The following NCAM2 variants were observed in gnomAD, a reference collection of about 807,000 sequenced individuals.
The protein encoded by NCAM2 is N-CAM-2.
A neutral mutation model predicts 98.1 loss-of-function variants in NCAM2; 30 were observed. That is an observed-to-expected ratio of 0.31 (90% CI 0.23 to 0.41). The LOEUF (loss-of-function observed/expected upper bound fraction) is 0.41. Among genes scored for constraint, NCAM2 ranks in the 10% least tolerant of loss-of-function variants. NCAM2 has a pLI of 1.00. For synonymous variants in NCAM2, 368 were observed against 342.4 expected, an observed-to-expected ratio of 1.07 and a Z score of -0.83; for missense variants, 867 against 1,005.8, an observed-to-expected ratio of 0.86 and a Z score of 1.87.
At chr21:21,537,665 T>C (rs1176669827) in intron 17 of NCAM2, among the ~76,000 whole-genome samples, 181 bp from the exon 18 acceptor site, 2 of 152,102 alleles carry the variant, frequency 1.3e-5, no homozygotes, top group African/African-American at 4.8e-5. Flanking sequence ...GTTAATAAAT[T>C]TAATTTTTCC....
chr21:21,064,581 G>T (rs1220395540), intron 1 of NCAM2, among the ~76,000 whole-genome samples: 1 of 152,200 alleles, frequency 6.6e-6, no homozygotes, highest in Non-Finnish European at 1.5e-5. Context: ...GCTGTGGGAA[G>T]AAGTGTTCTC....
chr21:21,275,341 G>C (rs2072687242), intron 1 of NCAM2, among the ~76,000 whole-genome samples: 1 of 151,974 alleles, frequency 6.6e-6, no homozygotes, highest in Non-Finnish European at 1.5e-5. Flanking sequence ...TCTGGAGGCT[G>C]AGGCAGGAGA....
At chr21:21,259,033 C>T (rs1338892467) in intron 1 of NCAM2, among the ~76,000 whole-genome samples, 1 of 152,124 alleles carries the variant, frequency 6.6e-6, no homozygotes, top group Admixed American at 6.5e-5. Context: ...CCATTCATTG[C>T]TGAAGATGAA....
intron 1 of NCAM2, among the ~76,000 whole-genome samples, chr21:21,112,695 A>G (rs990253578): frequency 1.3e-5 from 2 of 152,186 alleles, no homozygotes; most frequent in Non-Finnish European, 2.9e-5. Context: ...AGGCCTTATC[A>G]CCCACAAGCA....
intron 1 of NCAM2, among the ~76,000 whole-genome samples, chr21:21,014,788 T>A (rs2064275373): frequency 1.3e-5 from 2 of 152,190 alleles, no homozygotes; most frequent in Admixed American, 1.3e-4. Flanking sequence ...ATTCCTCTAA[T>A]GGATCTGGGC....
At chr21:21,097,490 TA>T (rs2066147530) in intron 1 of NCAM2, among the ~76,000 whole-genome samples, 1 of 151,734 alleles carries the variant, frequency 6.6e-6, no homozygotes, top group Non-Finnish European at 1.5e-5. Flanking sequence ...TAAAACTACA[TA>T]TTTTTTTAAC....
At chr21:21,536,888 T>G (rs1990011899) in intron 17 of NCAM2, among the ~76,000 whole-genome samples, 1 of 152,078 alleles carries the variant, frequency 6.6e-6, no homozygotes, top group South Asian at 2.1e-4. Flanking sequence ...AAGTTGGTAT[T>G]GCTTCATAAG....
chr21:21,228,979 T>C (rs1384064086), intron 1 of NCAM2, among the ~76,000 whole-genome samples: 2 of 151,544 alleles, frequency 1.3e-5, no homozygotes, highest in Non-Finnish European at 3.0e-5. Context: ...TCTAGAGTTA[T>C]TTTGTATAAA....
intron 1 of NCAM2, among the ~76,000 whole-genome samples, chr21:21,049,833 T>C (rs1399607102): frequency 6.6e-6 from 1 of 151,628 alleles, no homozygotes; most frequent in Non-Finnish European, 1.5e-5. Context: ...ATTGCGCCAT[T>C]GCACTCCAGC....
At chr21:21,072,959 C>T (rs2065603711) in intron 1 of NCAM2, among the ~76,000 whole-genome samples, 1 of 151,664 alleles carries the variant, frequency 6.6e-6, no homozygotes, top group Non-Finnish European at 1.5e-5. Context: ...AACTTCATAC[C>T]CATTAAGCAA....
intron 1 of NCAM2, among the ~76,000 whole-genome samples, chr21:21,009,883 C>CTCTGTG (rs371370125): frequency 1.4e-5 from 2 of 139,670 alleles, no homozygotes; most frequent in Admixed American, 7.3e-5. Flanking sequence ...CCTCTGATAG[C>CTCTGTG]TGTGTGTGTG....
At chr21:21,511,899 G>C (rs762937930) in intron 16 of NCAM2, among the ~76,000 whole-genome samples, 3 of 151,948 alleles carry the variant, frequency 2.0e-5, no homozygotes, top group Non-Finnish European at 4.4e-5. Flanking sequence ...TGTCTTTTGA[G>C]AGAAATGTCT....
At chr21:21,111,461 G>A (rs17003810) in intron 1 of NCAM2, among the ~76,000 whole-genome samples, 6,703 of 152,214 alleles carry the variant, frequency 0.044, 201 homozygotes, top group East Asian at 0.14. Flanking sequence ...GGAAGATGAG[G>A]TTAATCCCAC....
At chr21:21,145,750 G>A (rs893313983) in intron 1 of NCAM2, among the ~76,000 whole-genome samples, 27 of 152,160 alleles carry the variant, frequency 1.8e-4, no homozygotes, top group African/African-American at 6.5e-4. Flanking sequence ...CAGTATGCAT[G>A]GTACAATTCA....
rs71193401 is a variant in NCAM2 at position 21,123,848 on chromosome 21, C to CTTTTTTTTTTTTTTTTTTTT, written c.55+125247_55+125248insTTTTTTTTTTTTTTTTTTTT. 6.2e-4 allele frequency among the ~76,000 whole-genome samples: 54 copies of CTTTTTTTTTTTTTTTTTTTT among 86,666 alleles called. 8 individuals carry two copies. Among genetic ancestry groups the CTTTTTTTTTTTTTTTTTTTT allele is most frequent in the South Asian group, 9.5e-4 (2 of 2,096 alleles). The allele number at this position is 86,666 out of a possible 152,430, so 56.9% of individuals were successfully genotyped here. ...GCACATTTGAATTCATTCTTGATTG[C>CTTTTTTTTTTTTTTTTTTTT]TTTTTTTTTTTTTTTTTGAGACGGA... On this transcript the variant is annotated intron_variant, in intron 1 of 17. Coordinates refer to ENST00000400546, the MANE Select transcript of NCAM2 (RefSeq NM_004540.5).
intron 1 of NCAM2, among the ~76,000 whole-genome samples, chr21:21,091,442 A>G (rs2066009953): frequency 6.6e-6 from 1 of 152,088 alleles, no homozygotes; most frequent in Non-Finnish European, 1.5e-5. Flanking sequence ...GTCGATGTTC[A>G]TTAAAGTACA....
At chr21:21,111,706 A>C (rs1423114083) in intron 1 of NCAM2, among the ~76,000 whole-genome samples, 1 of 152,110 alleles carries the variant, frequency 6.6e-6, no homozygotes, top group African/African-American at 2.4e-5. Flanking sequence ...GTTCTCTTTT[A>C]TTTCTTTTTT....
chr21:21,420,231 G>C (rs934154079), intron 11 of NCAM2, among the ~76,000 whole-genome samples: 18 of 151,830 alleles, frequency 1.2e-4, no homozygotes, highest in African/African-American at 4.4e-4. Context: ...ATTTTATTTT[G>C]TATGTATATG....
intron 1 of NCAM2, among the ~76,000 whole-genome samples, chr21:21,170,753 TA>T (rs1214774147): frequency 1.3e-5 from 2 of 152,184 alleles, no homozygotes; most frequent in Non-Finnish European, 1.5e-5. Flanking sequence ...ATGTAAGCCA[TA>T]GACTTTGCAT....
Sources: gnomAD v4.1 joint callset for allele counts (sites outside exome capture counted in the v4.1 genomes callset) on GRCh38, gnomAD v4.1.1 for gene constraint, MANE v1.5 for transcripts, NCBI Gene and HGNC (gene_info 2026-07-23, HGNC 2026-07-21) for gene names.